The following GID8 variants were observed in gnomAD, a reference collection of about 807,000 sequenced individuals.
The protein encoded by GID8 is glucose-induced degradation protein 8 homolog.
Under a neutral mutation model 27.4 loss-of-function variants are expected in GID8, and 6 were observed. The ratio of observed to expected loss-of-function variants is 0.22; its 90% CI spans 0.12 to 0.43. The LOEUF (loss-of-function observed/expected upper bound fraction) is 0.43, where lower values mean the gene tolerates loss of function less well. Ranked by LOEUF, GID8 falls within the 20% of genes least tolerant of loss-of-function variation. The pLI is 1.00. For synonymous variants in GID8, 112 were observed against 109.0 expected (o/e 1.03, Z -0.17); for missense variants, 173 against 287.6 (o/e 0.60, Z 2.88).
At position 62,943,216 on chromosome 20, in the gene GID8, A is replaced by C. The variant is rs770881908; in HGVS notation, c.315+33A>C. 6.8e-7 allele frequency: 1 copy of C among 1,461,694 alleles called. No individual in the cohort carries two copies. The highest frequency in any genetic ancestry group is 9.5e-7 in the Non-Finnish European group (1 of 1,054,264). 90.5% of individuals were successfully genotyped at this position (1,461,694 alleles called of 1,614,324 possible). ...TCAGGAGAGAGTAGTCTGGTTTGTG[A>C]ATACTTGATAAGTTAAAGTTATTTG... On this transcript the variant is annotated intron_variant, in intron 3 of 4. Transcript: ENST00000266069. This position sits in a 1 kb window ranked among gnomAD's most constrained non-coding sequence, Gnocchi z 4.7.
At chr20:62,944,674 T>C (rs929915973) in intron 4 of GID8, 65 bp from the exon 5 acceptor site, 2 of 1,166,510 alleles carry the variant, frequency 1.7e-6, no homozygotes, top group Middle Eastern at 1.9e-4. Flanking sequence ...AACTGCCTCT[T>C]TTTAATAGAC....
At position 62,943,435 on chromosome 20, in the gene GID8, C is replaced by G; in HGVS notation, c.316-60C>G. The G allele has an allele frequency of 6.9e-7, 1 of 1,458,096 alleles. No individual in the cohort carries two copies. Among genetic ancestry groups the G allele is most frequent in the South Asian group, 1.1e-5 (1 of 87,120 alleles). 90.3% of individuals were successfully genotyped at this position (1,458,096 alleles called of 1,614,324 possible). On this transcript the variant is annotated intron_variant, in intron 3 of 4. Coordinates refer to ENST00000266069, the MANE Select transcript of GID8 (RefSeq NM_017896.3). This position sits in a 1 kb window ranked among gnomAD's most constrained non-coding sequence, Gnocchi z 4.7. ...TACTTTTGATTGGGACCTGGTACCA[C>G]CTGCCCTAAGTCCCTGGCCTGGGTG...
rs555082403 is a variant in GID8 at position 62,940,968 on chromosome 20, T to G, written c.-12-523T>G. Among the ~76,000 whole-genome samples the G allele has an allele frequency of 3.3e-5, 5 of 151,964 alleles. No homozygotes were observed. In the East Asian group the frequency reaches 9.6e-4, roughly 29 times the overall value. Reference sequence around the variant, plus strand: ...AAACCCCAGTGAGGCTGTTACATGGTAAATTGTGCCAAATAATCGTTGTAC... The same window carrying G: ...AAACCCCAGTGAGGCTGTTACATGGGAAATTGTGCCAAATAATCGTTGTAC... On this transcript the variant is annotated intron_variant, in intron 1 of 4. Transcript: ENST00000266069.
At chr20:62,939,634 T>G (rs2065430136) in intron 1 of GID8, among the ~76,000 whole-genome samples, 1 of 152,200 alleles carries the variant, frequency 6.6e-6, no homozygotes, top group African/African-American at 2.4e-5. Context: ...CCATCTTCTA[T>G]TCTTCCCTCT....
At position 62,943,223 on chromosome 20, in the gene GID8, G is replaced by C. The variant is rs991265711; in HGVS notation, c.315+40G>C. The C allele has an allele frequency of 7.0e-7, 1 of 1,437,384 alleles. No homozygotes were observed. Among genetic ancestry groups the C allele is most frequent in the Non-Finnish European group, 9.7e-7 (1 of 1,035,482 alleles). 89.0% of individuals were successfully genotyped at this position (1,437,384 alleles called of 1,614,324 possible). A position where few individuals can be genotyped will look rare whatever the true frequency, so the allele number is the denominator to read the frequency against. ...AGAGTAGTCTGGTTTGTGAATACTT[G>C]ATAAGTTAAAGTTATTTGCAATGAT... is the stretch of plus-strand genomic sequence containing the variant. On this transcript the variant is annotated intron_variant, in intron 3 of 4. Coordinates refer to ENST00000266069, the MANE Select transcript of GID8 (RefSeq NM_017896.3). The surrounding 1 kb of genome is among the most constrained non-coding windows in gnomAD (Gnocchi z 4.7).
intron 2 of GID8, among the ~76,000 whole-genome samples, chr20:62,942,334 C>A (rs1041025560): frequency 1.3e-5 from 2 of 152,244 alleles, no homozygotes; most frequent in African/African-American, 4.8e-5. Context: ...TGCCTGTAGT[C>A]CCAGCTACTT....
Position 62,946,271 on chromosome 20 carries a change from G to A in GID8, c.*1359G>A. The A allele has an allele frequency of 3.0e-6, 1 of 332,802 alleles. No individual in the cohort carries two copies. Among genetic ancestry groups the A allele is most frequent in the East Asian group, 8.5e-5 (1 of 11,788 alleles). The allele number at this position is 332,802 out of a possible 1,614,324, so 20.6% of individuals were successfully genotyped here. A position where few individuals can be genotyped will look rare whatever the true frequency, so the allele number is the denominator to read the frequency against. ...TCTCGCCTTATTCTCAAGTAGCAAG[G>A]CATCTCGACAAGCATGGTCTAGGTC... On this transcript the variant is annotated 3_prime_UTR_variant, in exon 5 of 5. Transcript: ENST00000266069.
chr20:62,941,118 C>G (rs1307737559), intron 1 of GID8, among the ~76,000 whole-genome samples: 1 of 152,244 alleles, frequency 6.6e-6, no homozygotes, highest in Non-Finnish European at 1.5e-5. Flanking sequence ...TTCCACATTC[C>G]TGCCGCTTTG....
rs1568903309 is a variant in GID8, at chr20:62,943,548, G to A, written c.369G>A (p.Glu123=). ...IRQRETEAAL[E]FAQTQLAEQG... ...AGCGGGAGACAGAGGCGGCGCTGGA[G>A]TTTGCACAGACTCAGCTGGCGGAGC... The change falls in exon 4 of 5, where the codon GAG becomes GAA. Residue 123 remains glutamate (E), a synonymous_variant. Transcript: ENST00000266069. This position sits in a 1 kb window ranked among gnomAD's most constrained non-coding sequence, Gnocchi z 4.7. 2 of 1,613,348 alleles carry A rather than the reference G, an allele frequency of 1.2e-6. No homozygotes were observed. Among genetic ancestry groups the A allele is most frequent in the Admixed American group, 1.7e-5 (1 of 60,028 alleles).
At chr20:62,939,836 G>A (rs2065432090) in intron 1 of GID8, among the ~76,000 whole-genome samples, 1 of 152,132 alleles carries the variant, frequency 6.6e-6, no homozygotes, top group Non-Finnish European at 1.5e-5. Context: ...TTAATTTATT[G>A]AAACACTTTA....
intron 4 of GID8, 136 bp from the exon 5 acceptor site, chr20:62,944,603 C>T: frequency 6.0e-6 from 4 of 668,214 alleles, no homozygotes; most frequent in East Asian, 2.7e-5. Flanking sequence ...CTTCCCCAGG[C>T]AAGGACTATG....
intron 2 of GID8, 130 bp from the exon 3 acceptor site, chr20:62,942,857 C>T (rs907522012): frequency 3.8e-5 from 24 of 634,720 alleles, no homozygotes; most frequent in Non-Finnish European, 6.2e-5. Context: ...ATATTAATAC[C>T]GAGTTCCTGA....
chr20:62,944,683 A>ACT, intron 4 of GID8, 56 bp from the exon 5 acceptor site: 1 of 1,208,402 alleles, frequency 8.3e-7, no homozygotes, highest in Admixed American at 1.8e-5. Context: ...TTTTTAATAG[A>ACT]CTCTGCTGGT....
At chr20:62,940,649 G>A (rs1248686732) in intron 1 of GID8, among the ~76,000 whole-genome samples, 1 of 152,060 alleles carries the variant, frequency 6.6e-6, no homozygotes, top group African/African-American at 2.4e-5. Flanking sequence ...GCGCCCGGCC[G>A]CAACTCTCTT....
rs1016737352 is a variant in GID8, at chr20:62,945,230, C to G, written c.*318C>G. 1 of 1,107,898 alleles carries G rather than the reference C, an allele frequency of 9.0e-7. No homozygotes were observed. The highest frequency in any genetic ancestry group is 1.6e-5 in the African/African-American group (1 of 62,250). The allele number at this position is 1,107,898 out of a possible 1,614,324, so 68.6% of individuals were successfully genotyped here. On this transcript the variant is annotated 3_prime_UTR_variant, in exon 5 of 5. Transcript: ENST00000266069. ...GAAGGATTCGGTCTACCACGGAGGG[C>G]TGTGCTGTTAGGCTGCATCCCACTC... is the stretch of plus-strand genomic sequence containing the variant.
Position 62,947,556 on chromosome 20 carries a change from A to T in GID8, c.*2644A>T, listed in dbSNP as rs2065471581. 6.6e-6 allele frequency: 1 copy of T among 152,652 alleles called. No individual in the cohort carries two copies. The highest frequency in any genetic ancestry group is 1.9e-4 in the East Asian group (1 of 5,206). The allele number at this position is 152,652 out of a possible 1,614,324, so 9.5% of individuals were successfully genotyped here. On this transcript the variant is annotated 3_prime_UTR_variant, in exon 5 of 5. Coordinates refer to ENST00000266069, the MANE Select transcript of GID8 (RefSeq NM_017896.3). ...AGTATTCTGGTACTCTGTGTTCCAG[A>T]TGCATGAAATTGGGTGAGGAATAAC... is the stretch of plus-strand genomic sequence containing the variant.
chr20:62,946,007 C>T lies in GID8; in HGVS notation c.*1095C>T, dbSNP rs183350454. 67 of 1,289,230 alleles carry T rather than the reference C, an allele frequency of 5.2e-5. No homozygotes were observed. In the East Asian group the frequency reaches 1.6e-3, roughly 31 times the overall value. 79.9% of individuals were successfully genotyped at this position (1,289,230 alleles called of 1,614,324 possible). ...GCAGGAGGGAAGTGGTGCAGGGCTG[C>T]GTGCATTGCCTGCGAGTCGGGACAG... On this transcript the variant is annotated 3_prime_UTR_variant, in exon 5 of 5. Transcript: ENST00000266069.
chr20:62,942,305 A>C (rs1034699692), intron 2 of GID8, among the ~76,000 whole-genome samples: 2 of 152,162 alleles, frequency 1.3e-5, no homozygotes, highest in African/African-American at 4.8e-5. Context: ...AATGTTAATT[A>C]GCTGGATGTG....
Position 62,944,975 on chromosome 20 carries a change from C to T in GID8, c.*63C>T. On this transcript the variant is annotated 3_prime_UTR_variant, in exon 5 of 5. Coordinates refer to ENST00000266069, the MANE Select transcript of GID8 (RefSeq NM_017896.3). ...CGTCGTGGGACTTGCCTCAGATCAG[C>T]CTGCGACTGCAAGATTCTTACTGCA... 6.5e-7 allele frequency: 1 copy of T among 1,526,954 alleles called. No homozygotes were observed. Among genetic ancestry groups the T allele is most frequent in the East Asian group, 2.4e-5 (1 of 41,274 alleles). 94.6% of individuals were successfully genotyped at this position (1,526,954 alleles called of 1,614,324 possible).
Sources: allele counts gnomAD v4.1 joint callset (sites outside exome capture counted in the v4.1 genomes callset), GRCh38; gene constraint gnomAD v4.1.1; non-coding constraint Gnocchi (gnomAD v3.1); transcripts MANE v1.5; gene names NCBI Gene and HGNC (gene_info 2026-07-23, HGNC 2026-07-21).